EXOC6B: variants seen among roughly 807,000 people sequenced by gnomAD.
The protein encoded by EXOC6B is exocyst complex component 6B, also known as SEC15 homolog B.
A neutral mutation model predicts 113.5 loss-of-function variants in EXOC6B; 54 were observed. That is an observed-to-expected ratio of 0.48 (90% CI 0.38 to 0.60). The LOEUF (loss-of-function observed/expected upper bound fraction) is 0.60. Ranked by LOEUF, EXOC6B falls within the 20% of genes least tolerant of loss-of-function variation. The pLI is 0.00. For synonymous variants in EXOC6B, 357 were observed against 339.0 expected (o/e 1.05, Z -0.58); for missense variants, 797 against 977.5 (o/e 0.82, Z 2.46).
intron 1 of EXOC6B, among the ~76,000 whole-genome samples, chr2:72,776,664 AG>A (rs1346176236): frequency 2.0e-5 from 3 of 152,232 alleles, no homozygotes; most frequent in South Asian, 4.1e-4. Context: ...AATATGAATT[AG>A]GTGAAAAAAT....
intron 6 of EXOC6B, among the ~76,000 whole-genome samples, chr2:72,602,242 C>G (rs1670478721): frequency 6.6e-6 from 1 of 152,114 alleles, no homozygotes; most frequent in Non-Finnish European, 1.5e-5. Flanking sequence ...CCATGAATGT[C>G]TTGGTCAGCT....
chr2:72,208,390 T>A (rs986539584), intron 20 of EXOC6B, among the ~76,000 whole-genome samples: 1 of 152,148 alleles, frequency 6.6e-6, no homozygotes, highest in Admixed American at 6.5e-5. Context: ...TCTAGCTGCA[T>A]CCATGTTGCT....
intron 18 of EXOC6B, among the ~76,000 whole-genome samples, chr2:72,431,155 T>C (rs1345896930): frequency 6.6e-6 from 1 of 152,230 alleles, no homozygotes; most frequent in Non-Finnish European, 1.5e-5. Context: ...TTTTTAAGTA[T>C]TATAATTTTT....
chr2:72,467,299 G>C (rs370362105), intron 17 of EXOC6B, among the ~76,000 whole-genome samples: 16 of 152,202 alleles, frequency 1.1e-4, no homozygotes, highest in East Asian at 9.6e-4. Flanking sequence ...GAACATAAAA[G>C]TGCAGATATC....
At chr2:72,590,968 A>C (rs1165366621) in intron 6 of EXOC6B, among the ~76,000 whole-genome samples, 1 of 152,126 alleles carries the variant, frequency 6.6e-6, no homozygotes, top group Non-Finnish European at 1.5e-5. Context: ...CAGAGAATAC[A>C]GAGAACATCT....
At chr2:72,512,998 A>G (rs531889221) in intron 11 of EXOC6B, 134 bp downstream of exon 11, 18 of 1,025,224 alleles carry the variant, frequency 1.8e-5, no homozygotes, top group South Asian at 3.8e-5. Context: ...AGCTACTTCT[A>G]TGTCTTTGAA....
chr2:72,485,763 T>C (rs774707855), intron 16 of EXOC6B, among the ~76,000 whole-genome samples: 2 of 152,158 alleles, frequency 1.3e-5, no homozygotes, highest in African/African-American at 2.4e-5. Flanking sequence ...GAGAATCATA[T>C]GGTCAACAAT....
At chr2:72,823,482 A>AAAAAAAAAAAAAAAAAAG (rs1686713143) in intron 1 of EXOC6B, among the ~76,000 whole-genome samples, 1 of 138,984 alleles carries the variant, frequency 7.2e-6, no homozygotes, top group African/African-American at 2.8e-5. Flanking sequence ...AAAAAAACAA[A>AAAAAAAAAAAAAAAAAAG]AAACAAAAAA....
intron 18 of EXOC6B, among the ~76,000 whole-genome samples, chr2:72,428,566 G>A (rs867743963): frequency 2.0e-5 from 3 of 152,140 alleles, no homozygotes; most frequent in South Asian, 4.2e-4. Context: ...CCAATTCCAC[G>A]CTTGACTTGC....
At chr2:72,392,863 A>G (rs905248978) in intron 18 of EXOC6B, among the ~76,000 whole-genome samples, 24 of 152,150 alleles carry the variant, frequency 1.6e-4, no homozygotes, top group South Asian at 4.2e-4. Context: ...GACCTCATTG[A>G]TATTTTAACT....
chr2:72,825,753 G>A lies in EXOC6B; in HGVS notation c.113+45C>T, dbSNP rs1232145414. Reference sequence around the variant, plus strand: ...GGCCCGACCCAGAGGAGCCTGCCCCGTCCCGCCCGTTCCCGCCCCTCTGTG... The same window carrying A: ...GGCCCGACCCAGAGGAGCCTGCCCCATCCCGCCCGTTCCCGCCCCTCTGTG... On this transcript the variant is annotated intron_variant, in intron 1 of 21. Coordinates refer to ENST00000272427, the MANE Select transcript of EXOC6B (RefSeq NM_015189.3). This position sits in a 1 kb window ranked among gnomAD's most constrained non-coding sequence, Gnocchi z 4.4. 1.3e-6 allele frequency: 2 copies of A among 1,586,208 alleles called. No homozygotes were observed. The highest frequency in any genetic ancestry group is 1.3e-5 in the African/African-American group (1 of 74,530).
At chr2:72,769,945 A>G (rs902855350) in intron 1 of EXOC6B, among the ~76,000 whole-genome samples, 1 of 152,228 alleles carries the variant, frequency 6.6e-6, no homozygotes, top group African/African-American at 2.4e-5. Flanking sequence ...ATTGAACACC[A>G]GAAGACAAGA....
intron 20 of EXOC6B, among the ~76,000 whole-genome samples, chr2:72,324,467 G>T (rs921159194): frequency 6.6e-6 from 1 of 152,100 alleles, no homozygotes; most frequent in African/African-American, 2.4e-5. Context: ...TTCCATGCAG[G>T]CAGACTTCTT....
intron 6 of EXOC6B, among the ~76,000 whole-genome samples, chr2:72,597,991 T>C (rs1452078489): frequency 6.6e-6 from 1 of 151,936 alleles, no homozygotes; most frequent in Admixed American, 6.6e-5. Flanking sequence ...ATTATTATTA[T>C]TATAATGGGA....
At chr2:72,358,533 C>T (rs1690106903) in intron 19 of EXOC6B, among the ~76,000 whole-genome samples, 1 of 152,010 alleles carries the variant, frequency 6.6e-6, no homozygotes, top group Admixed American at 6.6e-5. Flanking sequence ...TATCACATGT[C>T]TATGAGATAG....
At chr2:72,678,461 C>A (rs190440736) in intron 6 of EXOC6B, among the ~76,000 whole-genome samples, 1 of 152,360 alleles carries the variant, frequency 6.6e-6, no homozygotes, top group Admixed American at 6.5e-5. Context: ...AATCCCAACA[C>A]TTTAGGAAGC....
intron 18 of EXOC6B, chr2:72,461,597 T>A (rs1045271212): frequency 5.9e-5 from 9 of 152,158 alleles, no homozygotes; most frequent in African/African-American, 1.9e-4. Flanking sequence ...TTGTTGGATT[T>A]TTAATTTATA....
At chr2:72,322,409 G>A (rs1169799123) in intron 20 of EXOC6B, among the ~76,000 whole-genome samples, 1 of 152,172 alleles carries the variant, frequency 6.6e-6, no homozygotes, top group Non-Finnish European at 1.5e-5. Context: ...CAGATCAGTG[G>A]TTATTTGGGG....
At chr2:72,665,034 G>C (rs1675290366) in intron 6 of EXOC6B, among the ~76,000 whole-genome samples, 1 of 152,210 alleles carries the variant, frequency 6.6e-6, no homozygotes, top group East Asian at 1.9e-4. Flanking sequence ...ACTGAAGAGG[G>C]GTGGGATGTG....
Sources: gnomAD v4.1 joint callset for allele counts (sites outside exome capture counted in the v4.1 genomes callset) on GRCh38, gnomAD v4.1.1 for gene constraint, Gnocchi (gnomAD v3.1) non-coding constraint, MANE v1.5 for transcripts, NCBI Gene and HGNC (gene_info 2026-07-23, HGNC 2026-07-21) for gene names.